The following NF1 variants were observed in gnomAD, a reference collection of about 807,000 sequenced individuals.
The protein encoded by NF1 is neurofibromin 1.
Under a neutral mutation model 325.7 loss-of-function variants are expected in NF1, and 122 were observed. The ratio of observed to expected loss-of-function variants is 0.37; its 90% CI spans 0.32 to 0.44. NF1 has a LOEUF of 0.44. NF1 is among the 20% of genes least tolerant of loss of function. The probability of loss-of-function intolerance (pLI) is 1.00; values close to 1 mark genes in which losing one functional copy is unlikely to be tolerated. For missense variants in NF1, 2,140 were observed against 3,415.4 expected (o/e 0.63, Z 9.31); for synonymous variants, 1,091 against 1,186.0 (o/e 0.92, Z 1.65).
chr17:31,232,045 T>A, intron 24 of NF1, 28 bp from the exon 25 acceptor site: 4 of 731,900 alleles, frequency 5.5e-6, no homozygotes, highest in Non-Finnish European at 5.9e-6. Context: ...GTCTCTAAAT[T>A]TTTTTTTTTT....
chr17:31,128,311 GCCCGT>G (rs1344715068), intron 1 of NF1: 1 of 152,042 alleles, frequency 6.6e-6, no homozygotes, highest in East Asian at 1.9e-4. Context: ...GGGGCATTTA[GCCCGT>G]TTACATTCAA....
At chr17:31,360,168 T>C (rs1363603469) in intron 56 of NF1, 1 of 383,420 alleles carries the variant, frequency 2.6e-6, no homozygotes, top group Non-Finnish European at 4.9e-6. Context: ...ATGATGATGC[T>C]CTGCTCATTT....
At chr17:31,340,736 G>T (rs2069798424) in intron 47 of NF1, 91 bp downstream of exon 47, 2 of 1,328,246 alleles carry the variant, frequency 1.5e-6, no homozygotes, top group African/African-American at 2.9e-5. Flanking sequence ...ATCACAAGAA[G>T]TCCATAACTT....
At chr17:31,257,921 G>T (rs1323904628) in intron 31 of NF1, among the ~76,000 whole-genome samples, 1 of 152,034 alleles carries the variant, frequency 6.6e-6, no homozygotes, top group Non-Finnish European at 1.5e-5. Context: ...GGATGTTTTG[G>T]GGGTGTGCTG....
At chr17:31,363,216 T>C (rs2070436331) in intron 57 of NF1, among the ~76,000 whole-genome samples, 1 of 152,168 alleles carries the variant, frequency 6.6e-6, no homozygotes, top group South Asian at 2.1e-4. Flanking sequence ...AAAGGGTTTA[T>C]CTTTTCAAAA....
At chr17:31,350,545 C>G (rs1193784064) in intron 50 of NF1, among the ~76,000 whole-genome samples, 1 of 152,078 alleles carries the variant, frequency 6.6e-6, no homozygotes, top group Non-Finnish European at 1.5e-5. Context: ...TAGTTTGCCT[C>G]TGAAGCACAG....
chr17:31,300,788 T>C (rs77377167), intron 36 of NF1, among the ~76,000 whole-genome samples: 2,750 of 152,246 alleles, frequency 0.018, 86 homozygotes, highest in African/African-American at 0.063. Flanking sequence ...GGTGTCGAGT[T>C]CTATACAGCC....
chr17:31,173,594 AT>A (rs1444026433), intron 5 of NF1, among the ~76,000 whole-genome samples: 1 of 78,116 alleles, frequency 1.3e-5, no homozygotes, highest in Non-Finnish European at 2.8e-5. Flanking sequence ...CCGAAACTCC[AT>A]CTAAAAAAAA....
intron 36 of NF1, among the ~76,000 whole-genome samples, chr17:31,322,409 C>T (rs1020171884): frequency 1.4e-5 from 2 of 143,316 alleles, no homozygotes; most frequent in Admixed American, 7.3e-5. Context: ...GAACCCGGGA[C>T]GTGGAGGCTG....
In NF1 at chr17:31,336,080, T is replaced by C. The variant is rs1377353926; in HGVS notation, c.6007-253T>C. 6.6e-6 allele frequency among the ~76,000 whole-genome samples: 1 copy of C among 152,134 alleles called. No individual in the cohort carries two copies. ...ACTTTGCAAGTGACTGAAGATAGTATTGATAGAGATTTAAAATTTTTGAAT... is the reference window on the plus strand; with the variant it reads ...ACTTTGCAAGTGACTGAAGATAGTACTGATAGAGATTTAAAATTTTTGAAT... On this transcript the variant is annotated intron_variant, in intron 40 of 57. Transcript: ENST00000358273. This position sits in a 1 kb window ranked among gnomAD's most constrained non-coding sequence, Gnocchi z 5.5.
rs577027341 is a variant in NF1 at position 31,279,755 on chromosome 17, C to CT, written c.4835+14417dup. Among the ~76,000 whole-genome samples the CT allele has an allele frequency of 2.4e-3, 363 of 152,228 alleles. 1 individual carries two copies. The South Asian group carries it at 0.029, about 12-fold the overall frequency. ...ATCTCAGCCTCTTCATTTTAGAAAT[C>CT]TAATATAGGAAAAAGAACACATTTC... On this transcript the variant is annotated intron_variant, in intron 36 of 57. Transcript: ENST00000358273.
intron 29 of NF1, among the ~76,000 whole-genome samples, chr17:31,237,963 TA>T (rs1180635177): frequency 6.6e-6 from 1 of 152,060 alleles, no homozygotes; most frequent in Non-Finnish European, 1.5e-5. Flanking sequence ...TGAAAAAAGC[TA>T]AAAAACTGAA....
intron 36 of NF1, chr17:31,272,147 G>T (rs1017378051): frequency 6.6e-6 from 1 of 152,100 alleles, no homozygotes; most frequent in Non-Finnish European, 1.5e-5. Context: ...TTCTTAAATA[G>T]TAAATTGAAA....
chr17:31,277,881 T>C (rs910584182), intron 36 of NF1, among the ~76,000 whole-genome samples: 1 of 152,216 alleles, frequency 6.6e-6, no homozygotes, highest in Non-Finnish European at 1.5e-5. Context: ...TTCTCCTTTA[T>C]ACATAATCTC....
At chr17:31,373,990 C>A (rs2151601124) in intron 57 of NF1, 23 bp from the exon 58 acceptor site, 5 of 1,613,894 alleles carry the variant, frequency 3.1e-6, no homozygotes, top group Non-Finnish European at 4.2e-6. Context: ...GAAGAAGTAA[C>A]TGGCTGTTCT....
At chr17:31,236,880 G>A (rs1256778064) in intron 29 of NF1, among the ~76,000 whole-genome samples, 1 of 152,096 alleles carries the variant, frequency 6.6e-6, no homozygotes, top group African/African-American at 2.4e-5. Flanking sequence ...CGATTTATGA[G>A]TTTCTCTCTC....
At chr17:31,261,252 A>T in intron 34 of NF1, among the ~76,000 whole-genome samples, 1 of 143,570 alleles carries the variant, frequency 7.0e-6, no homozygotes, top group Non-Finnish European at 1.5e-5. Context: ...TCAGAAATTA[A>T]AAAAAAAAAA....
chr17:31,274,566 G>A (rs1567869045), intron 36 of NF1, among the ~76,000 whole-genome samples: 1 of 151,992 alleles, frequency 6.6e-6, no homozygotes, highest in African/African-American at 2.4e-5. Flanking sequence ...CTTAACTGGA[G>A]GTTAATGTGG....
intron 29 of NF1, among the ~76,000 whole-genome samples, chr17:31,239,544 G>A (rs2067258178): frequency 8.2e-6 from 1 of 122,660 alleles, no homozygotes; most frequent in Non-Finnish European, 1.5e-5. Flanking sequence ...AATACCTAAA[G>A]CAAGATGGGG....
Sources: allele counts gnomAD v4.1 joint callset (sites outside exome capture counted in the v4.1 genomes callset), GRCh38; gene constraint gnomAD v4.1.1; non-coding constraint Gnocchi (gnomAD v3.1); transcripts MANE v1.5; gene names NCBI Gene and HGNC (gene_info 2026-07-23, HGNC 2026-07-21).